FANCC: variants seen among roughly 807,000 people sequenced by gnomAD.
The protein encoded by FANCC is Fanconi anemia group C protein.
In FANCC, 55 loss-of-function variants were observed where a neutral mutation model predicts 71.3. The ratio of observed to expected loss-of-function variants is 0.77; its 90% CI spans 0.62 to 0.97. The LOEUF (loss-of-function observed/expected upper bound fraction) is 0.97. FANCC is among the 50% of genes least tolerant of loss of function. FANCC has a pLI of 0.00. For synonymous variants in FANCC, 275 were observed against 244.9 expected (o/e 1.12, Z -1.15); for missense variants, 678 against 670.9 (o/e 1.01, Z -0.12).
intron 1 of FANCC, chr9:95,293,365 A>C: frequency 6.3e-7 from 1 of 1,595,636 alleles, no homozygotes; most frequent in Non-Finnish European, 8.5e-7. Context: ...CTGTGCACTT[A>C]CTGCCTGCCC....
At chr9:95,237,263 G>C (rs144327528) in intron 4 of FANCC, among the ~76,000 whole-genome samples, 3 of 152,164 alleles carry the variant, frequency 2.0e-5, no homozygotes, top group Non-Finnish European at 4.4e-5. Context: ...AGCATGTTTG[G>C]GACTTGCTCA....
chr9:95,103,476 GA>G (rs759907137), intron 14 of FANCC, among the ~76,000 whole-genome samples: 4 of 152,194 alleles, frequency 2.6e-5, no homozygotes, highest in Admixed American at 6.5e-5. Flanking sequence ...AGGAGAAGGA[GA>G]AGTGTGAATC....
rs1465400368 is a variant in FANCC at position 95,110,581 on chromosome 9, A to AAAACT, written c.1329+877_1329+881dup. ...ACCAAATTTCAACTTTTTAAAATCT[A>AAAACT]AAACTATTTTTCTTTCCTATGCCAT... On this transcript the variant is annotated intron_variant, in intron 13 of 14. Transcript: ENST00000289081. 15 of 1,035,074 alleles carry AAAACT rather than the reference A, an allele frequency of 1.4e-5. No individual in the cohort carries two copies. The African/African-American group carries it at 2.5e-4, about 17-fold the overall frequency. 64.1% of individuals were successfully genotyped at this position (1,035,074 alleles called of 1,614,324 possible).
chr9:95,252,078 G>C (rs1420777860), intron 1 of FANCC, among the ~76,000 whole-genome samples: 1 of 151,940 alleles, frequency 6.6e-6, no homozygotes, highest in Non-Finnish European at 1.5e-5. Context: ...AGGAGTTTGA[G>C]ACCAGCCTGG....
chr9:95,236,034 A>G (rs1830302771), intron 4 of FANCC, among the ~76,000 whole-genome samples: 1 of 151,962 alleles, frequency 6.6e-6, no homozygotes. Context: ...TTTCTTTTTG[A>G]AAAAAGAAGA....
intron 4 of FANCC, among the ~76,000 whole-genome samples, chr9:95,201,225 CA>C (rs1489568445): frequency 6.6e-6 from 1 of 151,224 alleles, no homozygotes; most frequent in Non-Finnish European, 1.5e-5. Flanking sequence ...TTTTTTTGCA[CA>C]AATCAAGAGG....
At chr9:95,148,702 T>C (rs1223906998) in intron 7 of FANCC, among the ~76,000 whole-genome samples, 1 of 152,244 alleles carries the variant, frequency 6.6e-6, no homozygotes, top group Non-Finnish European at 1.5e-5. Context: ...GAACCATGCA[T>C]AATGCTACAA....
At chr9:95,199,400 C>A (rs1465636852) in intron 4 of FANCC, among the ~76,000 whole-genome samples, 1 of 152,070 alleles carries the variant, frequency 6.6e-6, no homozygotes, top group Non-Finnish European at 1.5e-5. Flanking sequence ...CCTCCCAGTG[C>A]GTTCTGCTCA....
intron 6 of FANCC, among the ~76,000 whole-genome samples, chr9:95,170,680 T>TGTGTGTGTGTGTGTGTGTGTG (rs1447780657): frequency 2.0e-4 from 7 of 35,320 alleles, no homozygotes; most frequent in South Asian, 1.3e-3. Context: ...GTGTGTGTGT[T>TGTGTGTGTGTGTGTGTGTGTG]GGGAGCAGAA....
chr9:95,202,815 G>A (rs1425229542), intron 4 of FANCC, among the ~76,000 whole-genome samples: 1 of 152,154 alleles, frequency 6.6e-6, no homozygotes, highest in Admixed American at 6.5e-5. Flanking sequence ...AGGTAACTGA[G>A]GCAAATGTGG....
At chr9:95,280,984 G>A (rs959453423) in intron 1 of FANCC, among the ~76,000 whole-genome samples, 1 of 152,004 alleles carries the variant, frequency 6.6e-6, no homozygotes, top group Non-Finnish European at 1.5e-5. Flanking sequence ...TCAAAGACAG[G>A]TTAATTGAAA....
rs2071034822 is a variant in FANCC at position 95,100,396 on chromosome 9, A to G, written c.*1311T>C. On this transcript the variant is annotated 3_prime_UTR_variant, in exon 15 of 15. Transcript: ENST00000289081. ...TCTATTAGCATTGCCACATACCAAA[A>G]TAAGGAATTTCCCTAAAGGTTAACT... 10 of 231,458 alleles carry G rather than the reference A, an allele frequency of 4.3e-5. No homozygotes were observed. In the East Asian group the frequency reaches 5.5e-4, roughly 13 times the overall value. 14.3% of individuals were successfully genotyped at this position (231,458 alleles called of 1,614,324 possible).
At chr9:95,224,970 C>T (rs1221219579) in intron 4 of FANCC, among the ~76,000 whole-genome samples, 1 of 152,176 alleles carries the variant, frequency 6.6e-6, no homozygotes, top group East Asian at 1.9e-4. Flanking sequence ...GGTTTAAATA[C>T]ACTTGGTTCC....
chr9:95,171,248 C>A, intron 5 of FANCC, 105 bp from the exon 6 acceptor site: 1 of 818,530 alleles, frequency 1.2e-6, no homozygotes. Flanking sequence ...TCCCCCAACC[C>A]CCATCTTCTC....
intron 6 of FANCC, among the ~76,000 whole-genome samples, chr9:95,150,563 C>T (rs1052815275): frequency 6.6e-6 from 1 of 152,184 alleles, no homozygotes; most frequent in Admixed American, 6.5e-5. Flanking sequence ...GACAGAGTAG[C>T]CTCTGGATTT....
Position 95,247,482 on chromosome 9 carries a change from A to G in FANCC, c.200T>C (p.Ile67Thr). 1 of 1,613,816 alleles carries G rather than the reference A, an allele frequency of 6.2e-7. No homozygotes were observed. Among genetic ancestry groups the G allele is most frequent in the Non-Finnish European group, 8.5e-7 (1 of 1,179,814 alleles). ...ACAAGCTTTTGCCAACAGTTGACCAATTGTGGGGAATCTTTCAATGACTGT... is the reference window on the plus strand; with the variant it reads ...ACAAGCTTTTGCCAACAGTTGACCAGTTGTGGGGAATCTTTCAATGACTGT... ...SNTVIERFPT[I>T]GQLLAKACWN... is the part of the protein sequence containing the mutation. The change falls in exon 3 of 15, where the codon ATT (isoleucine) becomes ACT (threonine). Residue 67 changes from isoleucine (I) to threonine (T), a missense_variant. Physicochemically the swap from Ile to Thr is moderately conservative, Grantham distance 89 (BLOSUM62 -1). Coordinates refer to ENST00000289081, the MANE Select transcript of FANCC (RefSeq NM_000136.3).
At chr9:95,132,257 G>A (rs1415066300) in intron 8 of FANCC, among the ~76,000 whole-genome samples, 3 of 152,228 alleles carry the variant, frequency 2.0e-5, no homozygotes, top group African/African-American at 7.2e-5. Context: ...ACACCCTGCA[G>A]ACACTTTTCA....
intron 1 of FANCC, among the ~76,000 whole-genome samples, chr9:95,266,979 A>AC (rs1363796789): frequency 2.0e-5 from 3 of 152,348 alleles, no homozygotes; most frequent in Admixed American, 2.0e-4. Flanking sequence ...AAACATAAAA[A>AC]GAAAAAAGGA....
intron 8 of FANCC, among the ~76,000 whole-genome samples, chr9:95,129,369 A>G (rs984892294): frequency 2.0e-5 from 3 of 152,188 alleles, no homozygotes; most frequent in Admixed American, 6.5e-5. Context: ...TATCAAGATA[A>G]TCTTCCAAAT....
Sources: gnomAD v4.1 joint callset for allele counts (sites outside exome capture counted in the v4.1 genomes callset) on GRCh38, gnomAD v4.1.1 for gene constraint, MANE v1.5 for transcripts, NCBI Gene and HGNC (gene_info 2026-07-23, HGNC 2026-07-21) for gene names.